MROH2B: variants seen among roughly 807,000 people sequenced by gnomAD.
MROH2B encodes maestro heat like repeat family member 2B.
A neutral mutation model predicts 208.6 loss-of-function variants in MROH2B; 177 were observed. That is an observed-to-expected ratio of 0.85 (90% CI 0.75 to 0.96). The LOEUF (loss-of-function observed/expected upper bound fraction) is 0.96. Among genes scored for constraint, MROH2B ranks in the 40% least tolerant of loss-of-function variants. The pLI, the probability that MROH2B is intolerant of heterozygous loss-of-function variation, is 0.00. For missense variants in MROH2B, 2,002 were observed against 1,878.7 expected (o/e 1.07, Z -1.21); for synonymous variants, 728 against 659.0 (o/e 1.10, Z -1.60).
At position 41,069,726 on chromosome 5, in the gene MROH2B, G is replaced by C; in HGVS notation, c.55C>G (p.Leu19Val). Residue 19 changes from leucine (L) to valine (V), a missense_variant, in exon 2 of 42, where the codon CTT (leucine) becomes GTT (valine). Coordinates refer to ENST00000399564, the MANE Select transcript of MROH2B (RefSeq NM_173489.5). Reference sequence around the variant, plus strand: ...ATATCTTCCTTGTTCAGCATGCCAAGAGTGAGGTTAATATCCCCAAACATC... The same window carrying C: ...ATATCTTCCTTGTTCAGCATGCCAACAGTGAGGTTAATATCCCCAAACATC... ...IEMFGDINLTLGMLNKEDIVN... is the reference protein window; with the variant it reads ...IEMFGDINLTVGMLNKEDIVN... 6.2e-7 allele frequency: 1 copy of C among 1,607,642 alleles called. No individual in the cohort carries two copies.
At chr5:41,026,337 G>A (rs1414258595) in intron 24 of MROH2B, among the ~76,000 whole-genome samples, 10 of 152,188 alleles carry the variant, frequency 6.6e-5, no homozygotes, top group Non-Finnish European at 1.3e-4. Flanking sequence ...CTTCAGCAAA[G>A]TCTCAGGATA....
chr5:41,032,960 A>C, intron 23 of MROH2B, 81 bp downstream of exon 23: 1 of 1,579,362 alleles, frequency 6.3e-7, no homozygotes, highest in Non-Finnish European at 8.6e-7. Flanking sequence ...GGTGAAGTCT[A>C]TTCACTTTTT....
rs956838473 is a variant in MROH2B at position 41,033,157 on chromosome 5, T to C, written c.2245A>G (p.Met749Val). Residue 749 changes from methionine (M) to valine (V), a missense_variant, in exon 23 of 42, where the codon ATG becomes GTG. Coordinates refer to ENST00000399564, the MANE Select transcript of MROH2B (RefSeq NM_173489.5). ...CTTGTGAAACTCATTTGCAGATCCA[T>C]GTCCTAAAGCAAAAGCATTTACAAT... The part of the protein sequence containing the change: ...VLGMSVMNKD[M>V]DLQMSFTRSI... 5.0e-6 allele frequency: 8 copies of C among 1,612,582 alleles called. No homozygotes were observed. The African/African-American group carries it at 8.0e-5, about 16-fold the overall frequency.
intron 37 of MROH2B, among the ~76,000 whole-genome samples, chr5:41,001,078 A>T (rs1445114863): frequency 6.6e-6 from 1 of 152,098 alleles, no homozygotes; most frequent in Non-Finnish European, 1.5e-5. Context: ...CAGAGAATTG[A>T]TTTCTGTCTT....
intron 24 of MROH2B, among the ~76,000 whole-genome samples, chr5:41,021,231 T>C (rs753132807): frequency 6.6e-6 from 1 of 152,150 alleles, no homozygotes; most frequent in Non-Finnish European, 1.5e-5. Flanking sequence ...TACTTAGGAA[T>C]AAACTTAACC....
chr5:41,015,367 T>A lies in MROH2B; in HGVS notation c.2982+14A>T. Reference sequence around the variant, plus strand: ...CAGAATCTTTACATCCCCTGGCCACTCCATATTTATTACCTTAGCTATTTT... The same window carrying A: ...CAGAATCTTTACATCCCCTGGCCACACCATATTTATTACCTTAGCTATTTT... On this transcript the variant is annotated intron_variant, in intron 29 of 41. Transcript: ENST00000399564. 1 of 1,608,730 alleles carries A rather than the reference T, an allele frequency of 6.2e-7. No individual in the cohort carries two copies. The highest frequency in any genetic ancestry group is 8.5e-7 in the Non-Finnish European group (1 of 1,175,772).
intron 24 of MROH2B, among the ~76,000 whole-genome samples, chr5:41,021,381 G>T (rs779066790): frequency 6.6e-6 from 1 of 152,188 alleles, no homozygotes; most frequent in Non-Finnish European, 1.5e-5. Flanking sequence ...TAGATGTACA[G>T]ATTTAATGTA....
At chr5:41,008,046 C>G (rs1283754916) in intron 33 of MROH2B, among the ~76,000 whole-genome samples, 3 of 152,050 alleles carry the variant, frequency 2.0e-5, no homozygotes, top group African/African-American at 7.2e-5. Context: ...AAAAGTTATG[C>G]AAAATGCAGG....
At chr5:41,012,502 G>A in intron 30 of MROH2B, 81 bp downstream of exon 30, 1 of 1,462,850 alleles carries the variant, frequency 6.8e-7, no homozygotes, top group Non-Finnish European at 9.2e-7. Context: ...CCCATCAGTG[G>A]ACAAACAGAG....
intron 24 of MROH2B, among the ~76,000 whole-genome samples, chr5:41,025,867 C>A (rs1287178465): frequency 2.6e-5 from 4 of 152,222 alleles, no homozygotes; most frequent in African/African-American, 7.2e-5. Context: ...CCCAGGGATG[C>A]AAGGCTGGTT....
At position 41,007,348 on chromosome 5, in the gene MROH2B, T is replaced by C. The variant is rs199998601; in HGVS notation, c.3715A>G (p.Ser1239Gly). Residue 1239 changes from serine (S) to glycine (G), a missense_variant, in exon 34 of 42, where the codon AGT becomes GGT. Physicochemically the swap from Ser to Gly is moderately conservative, Grantham distance 56. Coordinates refer to ENST00000399564, the MANE Select transcript of MROH2B (RefSeq NM_173489.5). ...DNLWTLLSSP[S>G]THHIGVCSLA... The stretch of plus-strand genomic sequence containing the variant: ...GAACATACGCCTATGTGGTGGGTAC[T>C]AGGACTGCTGAGTAGAGTCCATAAG... 379 of 1,533,142 alleles carry C rather than the reference T, an allele frequency of 2.5e-4. No homozygotes were observed. The African/African-American group carries it at 5.0e-3, about 20-fold the overall frequency. 95.0% of individuals were successfully genotyped at this position (1,533,142 alleles called of 1,614,324 possible).
chr5:41,019,733 T>C (rs1742081685), intron 24 of MROH2B, among the ~76,000 whole-genome samples: 1 of 152,210 alleles, frequency 6.6e-6, no homozygotes, highest in South Asian at 2.1e-4. Context: ...ATCAGAGAAA[T>C]AAGATTCTCT....
chr5:41,049,270 A>T lies in MROH2B; in HGVS notation c.1501+10T>A, dbSNP rs1743212635. 6.2e-7 allele frequency: 1 copy of T among 1,612,696 alleles called. No individual in the cohort carries two copies. Among genetic ancestry groups the T allele is most frequent in the African/African-American group, 1.3e-5 (1 of 74,798 alleles). ...TAGAAAAGCTTTTCTGTGTTTATGAATGTACAGACCAGCTCCTGTAGAGAC... is the reference window on the plus strand; with the variant it reads ...TAGAAAAGCTTTTCTGTGTTTATGATTGTACAGACCAGCTCCTGTAGAGAC... On this transcript the variant is annotated intron_variant, in intron 14 of 41. Transcript: ENST00000399564.
chr5:41,004,232 G>T, intron 37 of MROH2B, 114 bp downstream of exon 37: 2 of 1,233,426 alleles, frequency 1.6e-6, no homozygotes, highest in Non-Finnish European at 2.3e-6. Flanking sequence ...GACCTGTCTG[G>T]GGCAGGCCAA....
In MROH2B at chr5:41,058,207, T is replaced by C. The variant is rs748101828; in HGVS notation, c.616-4A>G. 2.6e-6 allele frequency: 4 copies of C among 1,521,464 alleles called. No homozygotes were observed. In the South Asian group the frequency reaches 5.2e-5, roughly 20 times the overall value. 94.2% of individuals were successfully genotyped at this position (1,521,464 alleles called of 1,614,324 possible). On this transcript the variant is annotated splice_polypyrimidine_tract_variant and splice_region_variant and intron_variant, in intron 6 of 41. Transcript: ENST00000399564. The stretch of plus-strand genomic sequence containing the variant: ...GGGCCTTAACGATGCTCAAAGTCTG[T>C]ACAGGCAGCAAACAAATACCGTTTC...
At chr5:41,057,624 T>G (rs974568405) in intron 7 of MROH2B, among the ~76,000 whole-genome samples, 4 of 129,552 alleles carry the variant, frequency 3.1e-5, no homozygotes, top group African/African-American at 5.7e-5. Context: ...TGGCGCAATC[T>G]CGGTTCACTG....
intron 24 of MROH2B, among the ~76,000 whole-genome samples, chr5:41,024,646 G>C (rs1288169027): frequency 6.6e-6 from 1 of 152,114 alleles, no homozygotes; most frequent in Non-Finnish European, 1.5e-5. Flanking sequence ...AGTTAACAAG[G>C]ATATCCAGGA....
chr5:41,037,078 C>G (rs1742790234), intron 21 of MROH2B, among the ~76,000 whole-genome samples: 1 of 151,974 alleles, frequency 6.6e-6, no homozygotes, highest in Admixed American at 6.6e-5. Context: ...CTCTGTCAAC[C>G]AGGCTAGAGT....
chr5:41,033,789 C>CTATT, intron 22 of MROH2B, 49 bp downstream of exon 22: 2 of 924,494 alleles, frequency 2.2e-6, no homozygotes, highest in Non-Finnish European at 3.2e-6. Context: ...CATTATCTAT[C>CTATT]TATCTATCTA....
Sources: allele counts gnomAD v4.1 joint callset (sites outside exome capture counted in the v4.1 genomes callset), GRCh38; gene constraint gnomAD v4.1.1; transcripts MANE v1.5; gene names NCBI Gene and HGNC (gene_info 2026-07-23, HGNC 2026-07-21).